The following NOSTRIN variants were observed in gnomAD, a reference collection of about 807,000 sequenced individuals.
The protein encoded by NOSTRIN is nitric oxide synthase trafficking.
NOSTRIN carries 63 observed loss-of-function variants against 59.0 expected under a neutral mutation model. The observed-to-expected ratio is 1.07, with a 90% CI of 0.87 to 1.32. The LOEUF (loss-of-function observed/expected upper bound fraction) is 1.32. Among genes scored for constraint, NOSTRIN ranks in the 40% most tolerant of loss-of-function variants. The pLI, the probability that NOSTRIN is intolerant of heterozygous loss-of-function variation, is 0.00. For missense variants in NOSTRIN, 512 were observed against 473.1 expected (o/e 1.08, Z -0.76); for synonymous variants, 200 against 165.4 (o/e 1.21, Z -1.61).
chr2:168,806,025 T>C (rs1018144198), intron 1 of NOSTRIN, among the ~76,000 whole-genome samples: 2 of 152,174 alleles, frequency 1.3e-5, no homozygotes, highest in Non-Finnish European at 2.9e-5. Flanking sequence ...CTCTTTAATG[T>C]TCCATATCCC....
upstream of NOSTRIN, among the ~76,000 whole-genome samples, chr2:168,798,888 G>A (rs1290918375): frequency 2.6e-5 from 4 of 152,136 alleles, no homozygotes; most frequent in Non-Finnish European, 5.9e-5. Flanking sequence ...AGAGCAGTCT[G>A]AGCTATATGA....
intron 11 of NOSTRIN, chr2:168,856,392 T>C (rs1459491055): frequency 3.0e-6 from 1 of 336,818 alleles, no homozygotes; most frequent in Admixed American, 4.4e-5. Context: ...TTGGCCAACA[T>C]GATGAAACTG....
chr2:168,828,386 T>C (rs1233665983), intron 4 of NOSTRIN, 34 bp from the exon 5 acceptor site: 2 of 867,388 alleles, frequency 2.3e-6, no homozygotes, highest in Non-Finnish European at 4.0e-6. Context: ...AACGCTGATA[T>C]TATGCTTATG....
intron 12 of NOSTRIN, chr2:168,859,212 C>A: frequency 4.1e-6 from 1 of 243,548 alleles, no homozygotes. Flanking sequence ...TTTCTTGTCC[C>A]TCAGCAGAAA....
At chr2:168,823,490 T>C (rs1326220298) in intron 2 of NOSTRIN, among the ~76,000 whole-genome samples, 3 of 152,182 alleles carry the variant, frequency 2.0e-5, no homozygotes, top group South Asian at 4.1e-4. Flanking sequence ...TTGCTGGCAA[T>C]CTTTGGCATT....
At chr2:168,834,482 TACTGGCGTGCGCGCGCGCGCGCGCGCAC>T (rs1559122697) in intron 7 of NOSTRIN, among the ~76,000 whole-genome samples, 157 bp downstream of exon 7, 1 of 89,852 alleles carries the variant, frequency 1.1e-5, no homozygotes, top group Non-Finnish European at 2.3e-5. Flanking sequence ...TCCAAATCAT[TACTGGCGTGCGCGCGCGCGCGCGCGCAC>T]ACACACACAC....
At chr2:168,834,129 A>G in intron 6 of NOSTRIN, 98 bp from the exon 7 acceptor site, 1 of 685,202 alleles carries the variant, frequency 1.5e-6, no homozygotes. Flanking sequence ...TAATTGTTAA[A>G]GCTAGCACAT....
chr2:168,863,550 C>G (rs921735606), intron 15 of NOSTRIN: 27 of 985,236 alleles, frequency 2.7e-5, no homozygotes, highest in Non-Finnish European at 3.0e-5. Context: ...ATGGAATTCT[C>G]TTTATTTGAA....
chr2:168,810,386 C>T (rs577616557), intron 1 of NOSTRIN, among the ~76,000 whole-genome samples: 17 of 152,206 alleles, frequency 1.1e-4, no homozygotes, highest in African/African-American at 4.1e-4. Flanking sequence ...CCTGGATTAC[C>T]TCATTTCTTT....
upstream of NOSTRIN, among the ~76,000 whole-genome samples, chr2:168,795,155 G>C (rs1227697411): frequency 6.6e-6 from 1 of 152,102 alleles, no homozygotes; most frequent in Admixed American, 6.5e-5. Flanking sequence ...AGGGGACCAA[G>C]GTGGAAAAGA....
chr2:168,825,697 C>A (rs1273717817), intron 3 of NOSTRIN, among the ~76,000 whole-genome samples: 2 of 152,060 alleles, frequency 1.3e-5, no homozygotes, highest in African/African-American at 4.8e-5. Context: ...TATTGGTATA[C>A]CAAAGATAGT....
chr2:168,834,497 G>GTGCACACACACA (rs1559122791), intron 7 of NOSTRIN, among the ~76,000 whole-genome samples, 172 bp downstream of exon 7: 1 of 18,306 alleles, frequency 5.5e-5, no homozygotes, highest in African/African-American at 1.5e-4. Context: ...GCGTGCGCGC[G>GTGCACACACACA]CGCGCGCGCG....
At chr2:168,848,985 A>T (rs553128837) in intron 8 of NOSTRIN, among the ~76,000 whole-genome samples, 2 of 152,354 alleles carry the variant, frequency 1.3e-5, no homozygotes, top group African/African-American at 4.8e-5. Flanking sequence ...GAAATTTAAA[A>T]TAATTTTAAT....
chr2:168,865,173 A>C lies in NOSTRIN; in HGVS notation c.*203A>C, dbSNP rs1689789483. 1.7e-6 allele frequency: 1 copy of C among 590,092 alleles called. No individual in the cohort carries two copies. 36.6% of individuals were successfully genotyped at this position (590,092 alleles called of 1,614,324 possible). On this transcript the variant is annotated 3_prime_UTR_variant, in exon 16 of 16. Transcript: ENST00000317647. ...GGATGGGTGGAGACAGACAAGGAAG[A>C]GGCTCCTTGGTTCCTAGAGGAGTTT... is the stretch of plus-strand genomic sequence containing the variant.
chr2:168,819,379 G>A (rs1359647249), intron 2 of NOSTRIN, among the ~76,000 whole-genome samples: 1 of 152,144 alleles, frequency 6.6e-6, no homozygotes, highest in African/African-American at 2.4e-5. Context: ...AAGTGTGCAC[G>A]GAAAAGCATG....
intron 7 of NOSTRIN, among the ~76,000 whole-genome samples, chr2:168,840,049 G>A (rs944963226): frequency 6.6e-6 from 1 of 151,598 alleles, no homozygotes; most frequent in East Asian, 1.9e-4. Flanking sequence ...GAATATTAAT[G>A]GTGATCTCAA....
chr2:168,795,363 T>C (rs1685453001), upstream of NOSTRIN, among the ~76,000 whole-genome samples: 1 of 152,240 alleles, frequency 6.6e-6, no homozygotes, highest in Admixed American at 6.5e-5. Flanking sequence ...GAAGATATAA[T>C]GTAATTTGAA....
intron 1 of NOSTRIN, among the ~76,000 whole-genome samples, chr2:168,803,674 A>G (rs1293224419): frequency 6.6e-6 from 1 of 152,236 alleles, no homozygotes; most frequent in East Asian, 1.9e-4. Flanking sequence ...AATAATGACA[A>G]CATAGTAGCC....
chr2:168,819,025 A>G (rs1359041530), intron 2 of NOSTRIN, among the ~76,000 whole-genome samples: 1 of 125,766 alleles, frequency 8.0e-6, no homozygotes, highest in African/African-American at 3.1e-5. Flanking sequence ...TGTATTAGCT[A>G]TGGTGGCAGT....
Sources: allele counts gnomAD v4.1 joint callset (sites outside exome capture counted in the v4.1 genomes callset), GRCh38; gene constraint gnomAD v4.1.1; transcripts MANE v1.5; gene names NCBI Gene and HGNC (gene_info 2026-07-23, HGNC 2026-07-21).